The following THSD4 variants were observed in gnomAD, a reference collection of about 807,000 sequenced individuals.
THSD4 encodes the protein thrombospondin type-1 domain-containing protein 4.
A neutral mutation model predicts 119.0 loss-of-function variants in THSD4; 69 were observed. The ratio of observed to expected loss-of-function variants is 0.58; its 90% CI spans 0.48 to 0.71. The LOEUF (loss-of-function observed/expected upper bound fraction) is 0.71, where lower values mean the gene tolerates loss of function less well. Ranked by LOEUF, THSD4 falls within the 30% of genes least tolerant of loss-of-function variation. The pLI is 0.00. For missense variants in THSD4, 1,393 were observed against 1,391.1 expected (o/e 1.00, Z -0.02); for synonymous variants, 524 against 540.4 (o/e 0.97, Z 0.42).
At chr15:71,519,576 G>A (rs2048410171) in intron 7 of THSD4, among the ~76,000 whole-genome samples, 1 of 152,192 alleles carries the variant, frequency 6.6e-6, no homozygotes, top group Admixed American at 6.5e-5. Flanking sequence ...TGGCCAGGTT[G>A]GTCTCAAACT....
At chr15:71,619,821 A>G (rs1187892867) in intron 7 of THSD4, among the ~76,000 whole-genome samples, 1 of 152,166 alleles carries the variant, frequency 6.6e-6, no homozygotes, top group Non-Finnish European at 1.5e-5. Flanking sequence ...GTAACAGTTC[A>G]TTTTTCCAAC....
intron 7 of THSD4, among the ~76,000 whole-genome samples, chr15:71,642,956 TAAAA>T (rs1164154361): frequency 4.0e-5 from 6 of 151,852 alleles, no homozygotes; most frequent in African/African-American, 7.2e-5. Flanking sequence ...ATAATAATAA[TAAAA>T]AAATAAAAAA....
At chr15:71,501,414 C>A (rs1338959631) in intron 7 of THSD4, among the ~76,000 whole-genome samples, 2 of 152,186 alleles carry the variant, frequency 1.3e-5, no homozygotes, top group African/African-American at 4.8e-5. Context: ...GCTGGGTATA[C>A]CTCAAGTGGG....
At chr15:71,566,632 T>TC (rs1386694595) in intron 7 of THSD4, among the ~76,000 whole-genome samples, 1 of 152,090 alleles carries the variant, frequency 6.6e-6, no homozygotes, top group African/African-American at 2.4e-5. Context: ...TCCCTACCTT[T>TC]CCTACCCTGC....
intron 7 of THSD4, among the ~76,000 whole-genome samples, chr15:71,447,109 ATTTTTTTTGTTTTTTTTTTTT>A (rs1159375321): frequency 1.4e-5 from 1 of 69,448 alleles, no homozygotes. Context: ...TCTTCCCTCC[ATTTTTTTTGTTTTTTTTTTTT>A]TTTTTTTTGG....
At chr15:71,568,691 T>C (rs145651002) in intron 7 of THSD4, among the ~76,000 whole-genome samples, 1 of 152,050 alleles carries the variant, frequency 6.6e-6, no homozygotes, top group Non-Finnish European at 1.5e-5. Flanking sequence ...GCTGCACCCA[T>C]TAACTCGTCA....
intron 8 of THSD4, among the ~76,000 whole-genome samples, chr15:71,722,646 T>C (rs2052743988): frequency 6.6e-6 from 1 of 152,208 alleles, no homozygotes; most frequent in African/African-American, 2.4e-5. Flanking sequence ...GCTTGTACCA[T>C]GTCCGTTACA....
chr15:71,143,925 C>T (rs780771028), intron 2 of THSD4, among the ~76,000 whole-genome samples: 2 of 151,960 alleles, frequency 1.3e-5, no homozygotes, highest in Non-Finnish European at 2.9e-5. Context: ...GAGATCATCT[C>T]CCTTTGCGGG....
At chr15:71,442,654 G>GTGTATGTA (rs1269892726) in intron 7 of THSD4, among the ~76,000 whole-genome samples, 1 of 20,604 alleles carries the variant, frequency 4.9e-5, no homozygotes, top group Non-Finnish European at 1.6e-4. Flanking sequence ...ATGTGTGTGT[G>GTGTATGTA]TGTGTGTATA....
At chr15:71,237,471 A>G (rs2044114856) in intron 4 of THSD4, among the ~76,000 whole-genome samples, 1 of 152,196 alleles carries the variant, frequency 6.6e-6, no homozygotes, top group Non-Finnish European at 1.5e-5. Context: ...AAGATGGTCA[A>G]TCCGGACTTG....
chr15:71,482,670 C>G (rs900742664), intron 7 of THSD4, among the ~76,000 whole-genome samples: 1 of 151,898 alleles, frequency 6.6e-6, no homozygotes, highest in African/African-American at 2.4e-5. Flanking sequence ...ACTGCAACCT[C>G]CACCTCCCAA....
At chr15:71,708,779 T>A (rs2141086649) in intron 8 of THSD4, among the ~76,000 whole-genome samples, 1 of 152,312 alleles carries the variant, frequency 6.6e-6, no homozygotes, top group African/African-American at 2.4e-5. Flanking sequence ...CTGAGGAAGT[T>A]TTTAAGTCAC....
rs768646475 is a variant in THSD4, at chr15:71,765,142, G to A, written c.2712G>A (p.Gln904=). The part of the protein sequence containing the change: ...ECSFLEKPPS[Q]QSCHLKPCGA... Reference sequence around the variant, plus strand: ...CTTTCCTGGAGAAACCCCCCAGCCAGCAATCCTGCCACCTCAAGCCTTGCG... The same window carrying A: ...CTTTCCTGGAGAAACCCCCCAGCCAACAATCCTGCCACCTCAAGCCTTGCG... The change falls in exon 16 of 18, where the codon CAG becomes CAA. Residue 904 remains glutamine (Q), a synonymous_variant. Transcript: ENST00000261862. The A allele has an allele frequency of 6.8e-6, 11 of 1,614,220 alleles. No individual in the cohort carries two copies. The highest frequency in any genetic ancestry group is 9.3e-6 in the Non-Finnish European group (11 of 1,180,040).
At chr15:71,490,500 C>A (rs183006604) in intron 7 of THSD4, among the ~76,000 whole-genome samples, 2,124 of 144,794 alleles carry the variant, frequency 0.015, 59 homozygotes, top group African/African-American at 0.053. Context: ...GCAGAGCTTG[C>A]AGTGAGCTGA....
chr15:71,309,277 G>C (rs955552187), intron 6 of THSD4, among the ~76,000 whole-genome samples: 1 of 152,136 alleles, frequency 6.6e-6, no homozygotes, highest in East Asian at 1.9e-4. Context: ...CTAATGTTGA[G>C]CATATTACTG....
chr15:71,284,414 A>G (rs1000734364), intron 6 of THSD4, among the ~76,000 whole-genome samples: 2 of 152,132 alleles, frequency 1.3e-5, no homozygotes, highest in African/African-American at 4.8e-5. Flanking sequence ...ACACAGGGAG[A>G]TATTCAGCAT....
chr15:71,697,068 G>C (rs1328937893), intron 8 of THSD4, among the ~76,000 whole-genome samples: 2 of 152,214 alleles, frequency 1.3e-5, no homozygotes, highest in African/African-American at 4.8e-5. Flanking sequence ...TTTGGCAACT[G>C]GGTGATAAGA....
upstream of THSD4, chr15:71,112,225 AG>A: frequency 6.2e-7 from 1 of 1,612,088 alleles, no homozygotes; most frequent in Admixed American, 1.7e-5. Context: ...CTGTAGGCAG[AG>A]GGCTGATCAG....
chr15:71,629,807 C>T (rs1457207089), intron 7 of THSD4, among the ~76,000 whole-genome samples: 1 of 152,148 alleles, frequency 6.6e-6, no homozygotes, highest in East Asian at 1.9e-4. Flanking sequence ...CCCTGCTTTT[C>T]TATACTTTTT....
Sources: allele counts gnomAD v4.1 joint callset (sites outside exome capture counted in the v4.1 genomes callset), GRCh38; gene constraint gnomAD v4.1.1; transcripts MANE v1.5; gene names NCBI Gene and HGNC (gene_info 2026-07-23, HGNC 2026-07-21).